ANXA6: variants seen among roughly 807,000 people sequenced by gnomAD.
ANXA6 encodes 67 kDa calelectrin.
ANXA6 carries 71 observed loss-of-function variants against 95.4 expected under a neutral mutation model. The observed-to-expected ratio is 0.74, with a 90% CI of 0.61 to 0.91. ANXA6 has a LOEUF of 0.91. ANXA6 is among the 40% of genes least tolerant of loss of function. ANXA6 has a pLI of 0.00. For synonymous variants in ANXA6, 289 were observed against 315.9 expected (o/e 0.91, Z 0.90); for missense variants, 830 against 876.4 (o/e 0.95, Z 0.67).
At chr5:151,136,198 A>T (rs1027231145) in intron 7 of ANXA6, 58 bp downstream of exon 7, 20 of 1,557,242 alleles carry the variant, frequency 1.3e-5, no homozygotes, top group Non-Finnish European at 1.8e-5. Flanking sequence ...CTACACCCAG[A>T]TGAGCCAGAC....
At chr5:151,112,943 T>A (rs74294189) in intron 20 of ANXA6, among the ~76,000 whole-genome samples, 21,670 of 152,062 alleles carry the variant, frequency 0.14, 1,635 homozygotes, top group East Asian at 0.21. Context: ...TTCACAGACA[T>A]AGAAAGAATG....
At chr5:151,156,279 CA>C (rs1766235080) in intron 1 of ANXA6, among the ~76,000 whole-genome samples, 1 of 152,186 alleles carries the variant, frequency 6.6e-6, no homozygotes, top group Non-Finnish European at 1.5e-5. Context: ...CAGTGGCAGC[CA>C]GTTCAGCAGA....
At chr5:151,108,323 AC>A in intron 23 of ANXA6, 131 bp downstream of exon 23, 1 of 793,732 alleles carries the variant, frequency 1.3e-6, no homozygotes, top group Non-Finnish European at 2.2e-6. Context: ...ATTTGGCAGC[AC>A]CCCTGGAGGC....
chr5:151,117,060 C>A lies in ANXA6; in HGVS notation c.1572+67G>T, dbSNP rs554764858. 3.5e-6 allele frequency: 5 copies of A among 1,448,636 alleles called. No homozygotes were observed. The African/African-American group carries it at 4.3e-5, about 12-fold the overall frequency. The allele number at this position is 1,448,636 out of a possible 1,614,324, so 89.7% of individuals were successfully genotyped here. ...TCACAGACAGGGCCCGGCGTAGACA[C>A]GCATAAGCTGGACCTACATCTCAGG... On this transcript the variant is annotated intron_variant, in intron 20 of 25. Transcript: ENST00000354546.
At chr5:151,149,405 A>G (rs902456305) in intron 1 of ANXA6, among the ~76,000 whole-genome samples, 1 of 152,178 alleles carries the variant, frequency 6.6e-6, no homozygotes, top group African/African-American at 2.4e-5. Context: ...GGAGGGCAAC[A>G]GATGAAAGTT....
At chr5:151,139,496 A>G (rs1315506155) in intron 3 of ANXA6, 49 bp from the exon 4 acceptor site, 3 of 1,432,202 alleles carry the variant, frequency 2.1e-6, no homozygotes, top group Non-Finnish European at 2.9e-6. Context: ...GCCTCCAGGA[A>G]GCCCACCAGG....
chr5:151,134,811 G>C (rs987672029), intron 7 of ANXA6, among the ~76,000 whole-genome samples: 2 of 152,162 alleles, frequency 1.3e-5, no homozygotes, highest in East Asian at 1.9e-4. Flanking sequence ...CCAGGTTCTC[G>C]AGGGTCCCTG....
intron 8 of ANXA6, 79 bp from the exon 9 acceptor site, chr5:151,133,266 G>A: frequency 1.1e-6 from 1 of 942,380 alleles, no homozygotes; most frequent in Non-Finnish European, 1.7e-6. Flanking sequence ...ACTCAGAACT[G>A]CTGCCTGATC....
At chr5:151,157,329 A>C (rs1347906144) in intron 1 of ANXA6, among the ~76,000 whole-genome samples, 9 of 150,464 alleles carry the variant, frequency 6.0e-5, no homozygotes, top group Non-Finnish European at 1.2e-4. Flanking sequence ...CCAACCCCGG[A>C]CCTTCAAAGT....
In ANXA6 at chr5:151,102,894, A is replaced by C. The variant is rs372447258; in HGVS notation, c.1962+676T>G. Among the ~76,000 whole-genome samples, 432 of 152,372 alleles carry C rather than the reference A, an allele frequency of 2.8e-3. 5 individuals are homozygous for C. In the South Asian group the frequency reaches 0.034, roughly 12 times the overall value. On this transcript the variant is annotated intron_variant, in intron 25 of 25. Coordinates refer to ENST00000354546, the MANE Select transcript of ANXA6 (RefSeq NM_001155.5). ...GGGATGATAGAAGTGTTTGGAAACC[A>C]GCTGCATTATGGGAATGGTTGTACA... is the stretch of plus-strand genomic sequence containing the variant.
At chr5:151,145,528 TAGGG>T (rs1406806235) in intron 2 of ANXA6, among the ~76,000 whole-genome samples, 1 of 152,042 alleles carries the variant, frequency 6.6e-6, no homozygotes, top group African/African-American at 2.4e-5. Flanking sequence ...AAAGGAGAGA[TAGGG>T]AGAACAGCAC....
chr5:151,103,821 T>G (rs1764616266), intron 24 of ANXA6, 129 bp from the exon 25 acceptor site: 2 of 1,183,804 alleles, frequency 1.7e-6, no homozygotes, highest in Non-Finnish European at 2.3e-6. Flanking sequence ...GTTCCACCTC[T>G]GTCTTCTGCA....
intron 1 of ANXA6, among the ~76,000 whole-genome samples, chr5:151,152,510 T>C (rs145395448): frequency 2.0e-4 from 30 of 152,290 alleles, no homozygotes; most frequent in African/African-American, 7.2e-4. Flanking sequence ...GAAGATTCAA[T>C]GAAATAAGGC....
chr5:151,128,141 A>G (rs752250541), intron 13 of ANXA6, 40 bp downstream of exon 13: 1 of 1,579,770 alleles, frequency 6.3e-7, no homozygotes, highest in South Asian at 1.1e-5. Context: ...CTGGCACCCC[A>G]AGGCCATGCC....
At position 151,110,630 on chromosome 5, in the gene ANXA6, G is replaced by A; in HGVS notation, c.1587C>T (p.Ile529=). 1 of 1,613,414 alleles carries A rather than the reference G, an allele frequency of 6.2e-7. No individual in the cohort carries two copies. Among genetic ancestry groups the A allele is most frequent in the Non-Finnish European group, 8.5e-7 (1 of 1,179,558 alleles). Residue 529 remains isoleucine, a synonymous_variant, in exon 21 of 26, where the codon ATC becomes ATT. Coordinates refer to ENST00000354546, the MANE Select transcript of ANXA6 (RefSeq NM_001155.5). Reference sequence around the variant, plus strand: ...AAATGAAGAACAGGACACTCACCAAGATCTCAGCAGCCACCTGAGAGCAGG... The same window carrying A: ...AAATGAAGAACAGGACACTCACCAAAATCTCAGCAGCCACCTGAGAGCAGG... The part of the protein sequence containing the change: ...AREDAQVAAE[I]LEIADTPSGD...
intron 2 of ANXA6, among the ~76,000 whole-genome samples, chr5:151,145,397 A>G (rs1047925512): frequency 6.6e-6 from 1 of 152,188 alleles, no homozygotes; most frequent in Admixed American, 6.5e-5. Flanking sequence ...TTTTATGTTC[A>G]TTATTGCATT....
rs1443055563 is a variant in ANXA6 at position 151,101,470 on chromosome 5, G to A, written c.2000C>T (p.Ala667Val). Residue 667 changes from alanine (A) to valine (V), a missense_variant, in exon 26 of 26, where the codon GCT (alanine) becomes GTT (valine). Coordinates refer to ENST00000354546, the MANE Select transcript of ANXA6 (RefSeq NM_001155.5). ...TSGDFLKALL[A>V]LCGGED ...GCCCTAGTCCTCACCACCACAGAGAGCCAGCAAGGCCTTCAGGAAGTCTCC... is the reference window on the plus strand; with the variant it reads ...GCCCTAGTCCTCACCACCACAGAGAACCAGCAAGGCCTTCAGGAAGTCTCC... 13 of 1,560,848 alleles carry A rather than the reference G, an allele frequency of 8.3e-6. No individual in the cohort carries two copies. The highest frequency in any genetic ancestry group is 1.1e-5 in the Non-Finnish European group (13 of 1,152,422).
At position 151,131,205 on chromosome 5, in the gene ANXA6, C is replaced by T. The variant is rs1345363766; in HGVS notation, c.795+26G>A. 3 of 1,613,278 alleles carry T rather than the reference C, an allele frequency of 1.9e-6. No homozygotes were observed. The South Asian group carries it at 3.3e-5, about 18-fold the overall frequency. Reference sequence around the variant, plus strand: ...CTCCCAATAGTCCTCTCCCCAAACCCCATTCACATCAGCCCCACCACGCAC... The same window carrying T: ...CTCCCAATAGTCCTCTCCCCAAACCTCATTCACATCAGCCCCACCACGCAC... On this transcript the variant is annotated intron_variant, in intron 11 of 25. Transcript: ENST00000354546.
At chr5:151,130,739 C>CTGGCCTG (rs1765488756) in intron 11 of ANXA6, among the ~76,000 whole-genome samples, 1 of 151,952 alleles carries the variant, frequency 6.6e-6, no homozygotes, top group African/African-American at 2.4e-5. Context: ...CCTCAGGCCT[C>CTGGCCTG]TGGCAGCAAA....
Sources: gnomAD v4.1 joint callset for allele counts (sites outside exome capture counted in the v4.1 genomes callset) on GRCh38, gnomAD v4.1.1 for gene constraint, MANE v1.5 for transcripts, NCBI Gene and HGNC (gene_info 2026-07-23, HGNC 2026-07-21) for gene names.